Variants in RBFOX1 observed in about 807,000 individuals in gnomAD.
The protein encoded by RBFOX1 is RNA binding fox-1 homolog 1.
RBFOX1 carries 8 observed loss-of-function variants against 57.7 expected under a neutral mutation model. The observed-to-expected ratio is 0.14, with a 90% CI of 0.08 to 0.25. The LOEUF (loss-of-function observed/expected upper bound fraction) is 0.25. Ranked by LOEUF, RBFOX1 falls within the 10% of genes least tolerant of loss-of-function variation. RBFOX1 has a pLI of 1.00. For missense variants in RBFOX1, 611 were observed against 548.5 expected (o/e 1.11, Z -1.14); for synonymous variants, 326 against 222.4 (o/e 1.47, Z -4.15).
At chr16:5,263,122 T>C (rs1044404132) in intron 1 of RBFOX1, among the ~76,000 whole-genome samples, 3 of 152,060 alleles carry the variant, frequency 2.0e-5, no homozygotes, top group South Asian at 2.1e-4. Context: ...TGAATTCTAA[T>C]TGGGCTTCTG....
intron 4 of RBFOX1, among the ~76,000 whole-genome samples, chr16:7,175,884 C>G (rs116644779): frequency 6.6e-6 from 1 of 152,086 alleles, no homozygotes; most frequent in African/African-American, 2.4e-5. Flanking sequence ...CTTATATTAG[C>G]CCTCTGAGCA....
chr16:5,402,424 T>C (rs968477523), intron 1 of RBFOX1, among the ~76,000 whole-genome samples: 1 of 152,022 alleles, frequency 6.6e-6, no homozygotes, highest in Non-Finnish European at 1.5e-5. Context: ...CAGTGGAAGA[T>C]CCCCAGCTCA....
At chr16:7,270,707 A>G (rs977054849) in intron 4 of RBFOX1, among the ~76,000 whole-genome samples, 2 of 152,168 alleles carry the variant, frequency 1.3e-5, no homozygotes, top group Non-Finnish European at 2.9e-5. Flanking sequence ...GGAAACATTC[A>G]CTACTGTTTC....
At chr16:5,581,675 G>T (rs1207004577) in intron 2 of RBFOX1, among the ~76,000 whole-genome samples, 1 of 152,288 alleles carries the variant, frequency 6.6e-6, no homozygotes, top group Non-Finnish European at 1.5e-5. Flanking sequence ...TTGCAGAATG[G>T]GAACAGGGAA....
intron 2 of RBFOX1, among the ~76,000 whole-genome samples, chr16:6,592,796 C>G (rs1299500794): frequency 1.3e-5 from 2 of 152,256 alleles, no homozygotes; most frequent in South Asian, 2.1e-4. Context: ...CAAATGTTCC[C>G]TGGACATTAA....
chr16:7,223,076 C>T (rs954255603), intron 4 of RBFOX1, among the ~76,000 whole-genome samples: 1 of 152,198 alleles, frequency 6.6e-6, no homozygotes, highest in Non-Finnish European at 1.5e-5. Flanking sequence ...ATTTAGCTGT[C>T]AGCAGCAGCC....
intron 2 of RBFOX1, among the ~76,000 whole-genome samples, chr16:6,618,462 T>G (rs191904656): frequency 2.6e-5 from 4 of 152,320 alleles, no homozygotes; most frequent in Admixed American, 6.5e-5. Flanking sequence ...TACATTCTGA[T>G]AATAGTAGCA....
intron 3 of RBFOX1, among the ~76,000 whole-genome samples, chr16:5,614,619 CT>C (rs2047951867): frequency 6.6e-6 from 1 of 152,174 alleles, no homozygotes; most frequent in African/African-American, 2.4e-5. Flanking sequence ...ATACATCTCC[CT>C]GTTCATTTGC....
At chr16:7,530,936 A>G (rs1452218208) in intron 5 of RBFOX1, among the ~76,000 whole-genome samples, 5 of 152,148 alleles carry the variant, frequency 3.3e-5, no homozygotes, top group African/African-American at 1.2e-4. Flanking sequence ...CAGCAGCAGA[A>G]TGTACCTGGG....
At chr16:6,263,664 C>T (rs796442404) in intron 1 of RBFOX1, among the ~76,000 whole-genome samples, 2 of 152,270 alleles carry the variant, frequency 1.3e-5, no homozygotes, top group African/African-American at 4.8e-5. Flanking sequence ...TGCTCCTTTC[C>T]TAGTTGGCAT....
intron 1 of RBFOX1, among the ~76,000 whole-genome samples, chr16:5,356,072 C>T (rs2065381429): frequency 6.6e-6 from 1 of 152,178 alleles, no homozygotes; most frequent in Non-Finnish European, 1.5e-5. Context: ...CCCTGGGTGA[C>T]AGAGCGAAAC....
chr16:5,881,733 C>T (rs1352458628), intron 4 of RBFOX1, among the ~76,000 whole-genome samples: 4 of 152,018 alleles, frequency 2.6e-5, no homozygotes, highest in South Asian at 4.2e-4. Flanking sequence ...CTAAAATTTT[C>T]CCCCCAATGC....
Position 6,762,701 on chromosome 16 carries a change from G to C in RBFOX1, c.-16+108051G>C, listed in dbSNP as rs192989431. Reference sequence around the variant, plus strand: ...TATTTGTTTTGGGCCCCAGTGATTTGCTAAAGAATAGGTTGAGTTCTAGAG... The same window carrying C: ...TATTTGTTTTGGGCCCCAGTGATTTCCTAAAGAATAGGTTGAGTTCTAGAG... On this transcript the variant is annotated intron_variant, in intron 3 of 15. Transcript: ENST00000550418. 1.4e-3 allele frequency among the ~76,000 whole-genome samples: 218 copies of C among 152,260 alleles called. 1 individual carries two copies. In the Middle Eastern group the frequency reaches 0.024, roughly 17 times the overall value.
Position 6,500,227 on chromosome 16 carries a change from T to C in RBFOX1, c.-63-154376T>C, listed in dbSNP as rs552793452. Among the ~76,000 whole-genome samples, 9 of 152,322 alleles carry C rather than the reference T, an allele frequency of 5.9e-5. No homozygotes were observed. The East Asian group carries it at 7.7e-4, about 13-fold the overall frequency. On this transcript the variant is annotated intron_variant, in intron 2 of 15. Transcript: ENST00000550418. ...AAGAATGGTATCTTCTATTTTTTCC[T>C]AATTGGCAAAATACCTAGGAGCTTA...
chr16:6,744,989 G>C lies in RBFOX1; in HGVS notation c.-16+90339G>C, dbSNP rs546454871. ...GATACAAATTACCAATATCAGTATA[G>C]AAAGAGGAGGCATCACTACAGACTC... is the stretch of plus-strand genomic sequence containing the variant. On this transcript the variant is annotated intron_variant, in intron 3 of 15. Transcript: ENST00000550418. Among the ~76,000 whole-genome samples the C allele has an allele frequency of 8.5e-5, 13 of 152,068 alleles. No homozygotes were observed. The South Asian group carries it at 1.5e-3, about 17-fold the overall frequency.
intron 2 of RBFOX1, among the ~76,000 whole-genome samples, chr16:6,552,761 TAC>T (rs1268458583): frequency 1.3e-5 from 2 of 152,050 alleles, no homozygotes; most frequent in African/African-American, 2.4e-5. Flanking sequence ...ATAGAAAATG[TAC>T]ACACATATAA....
chr16:7,100,777 CTG>C (rs1366217483), intron 4 of RBFOX1, among the ~76,000 whole-genome samples: 1 of 152,094 alleles, frequency 6.6e-6, no homozygotes. Flanking sequence ...ATATAGGACA[CTG>C]TGTTCACCCT....
intron 3 of RBFOX1, among the ~76,000 whole-genome samples, chr16:5,767,467 G>A (rs759383837): frequency 5.3e-5 from 8 of 152,172 alleles, no homozygotes; most frequent in Non-Finnish European, 1.0e-4. Flanking sequence ...TGAAGGTAAT[G>A]TGGATAGAAA....
At chr16:5,410,256 A>G (rs751556762) in intron 1 of RBFOX1, among the ~76,000 whole-genome samples, 1 of 151,860 alleles carries the variant, frequency 6.6e-6, no homozygotes, top group Non-Finnish European at 1.5e-5. Flanking sequence ...CTGTAGTTCC[A>G]GCTACTCAGG....
Sources: allele counts gnomAD v4.1 joint callset (sites outside exome capture counted in the v4.1 genomes callset), GRCh38; gene constraint gnomAD v4.1.1; transcripts MANE v1.5; gene names NCBI Gene and HGNC (gene_info 2026-07-23, HGNC 2026-07-21).